FASTKD2: variants seen among roughly 807,000 people sequenced by gnomAD.
FASTKD2 encodes FAST kinase domain-containing protein 2, mitochondrial.
In FASTKD2, 51 loss-of-function variants were observed where a neutral mutation model predicts 63.6. The observed-to-expected ratio is 0.80, with a 90% CI of 0.64 to 1.01. The LOEUF (loss-of-function observed/expected upper bound fraction) is 1.01. Among genes scored for constraint, FASTKD2 ranks in the 50% least tolerant of loss-of-function variants. FASTKD2 has a pLI of 0.00. For missense variants in FASTKD2, 786 were observed against 831.1 expected, an observed-to-expected ratio of 0.95 and a Z score of 0.67; for synonymous variants, 284 against 293.4, an observed-to-expected ratio of 0.97 and a Z score of 0.33.
intron 8 of FASTKD2, among the ~76,000 whole-genome samples, chr2:206,787,488 A>G (rs1234022206): frequency 6.6e-6 from 1 of 152,226 alleles, no homozygotes; most frequent in East Asian, 1.9e-4. Flanking sequence ...GAATTAAAAC[A>G]TAAATAAATA....
Position 206,770,094 on chromosome 2 carries a change from C to G in FASTKD2, c.781C>G (p.Arg261Gly), listed in dbSNP as rs367924143. ...VQTLLRVTQE[R>G]INECDEICLS... ...TTTTGTAATTATATTTCAATAGGAA[C>G]GTATCAATGAGTGTGATGAGATATG... The change falls in exon 3 of 12, where the codon CGT becomes GGT. Residue 261 changes from arginine (R) to glycine (G), a missense_variant. Arg to Gly is a moderately radical substitution (Grantham distance 125). Coordinates refer to ENST00000402774, the MANE Select transcript of FASTKD2 (RefSeq NM_001136193.2). 3 of 1,586,580 alleles carry G rather than the reference C, an allele frequency of 1.9e-6. No homozygotes were observed. The highest frequency in any genetic ancestry group is 1.3e-5 in the African/African-American group (1 of 74,370).
Position 206,795,060 on chromosome 2 carries a change from C to A in FASTKD2, c.*3258C>A, listed in dbSNP as rs1046670396. 2.0e-5 allele frequency among the ~76,000 whole-genome samples: 3 copies of A among 152,280 alleles called. No individual in the cohort carries two copies. Among genetic ancestry groups the A allele is most frequent in the African/African-American group, 7.2e-5 (3 of 41,564 alleles). On this transcript the variant is annotated 3_prime_UTR_variant, in exon 12 of 12. Transcript: ENST00000402774. ...GGGACGTGGCACAGCCTTGTCTTCA[C>A]ACAGCACATCACAGCCAGGCAGCAA...
chr2:206,790,651 C>T lies in FASTKD2; in HGVS notation c.1978C>T (p.Arg660Trp), dbSNP rs186489901. Reference protein sequence around the residue: ...HPRGFLAMKMRHLNAMGFHVI... With the variant: ...HPRGFLAMKMWHLNAMGFHVI... ...CAGAGGATTCCTTGCTATGAAAATG[C>T]GGCATTTGAATGCAATGGGTTTTCA... Residue 660 changes from arginine (R) to tryptophan (W), a missense_variant, in exon 11 of 12, where the codon CGG becomes TGG. Transcript: ENST00000402774. 29 of 1,611,848 alleles carry T rather than the reference C, an allele frequency of 1.8e-5. No homozygotes were observed. The highest frequency in any genetic ancestry group is 1.5e-4 in the Admixed American group (9 of 60,010).
At chr2:206,790,884 C>A in intron 11 of FASTKD2, 198 bp downstream of exon 11, 2 of 563,828 alleles carry the variant, frequency 3.5e-6, no homozygotes, top group Non-Finnish European at 3.2e-6. Context: ...TGATTACTGT[C>A]ATTACTAGAG....
Position 206,767,241 on chromosome 2 carries a change from A to G in FASTKD2, c.548A>G (p.Asn183Ser), listed in dbSNP as rs763249834. Residue 183 changes from asparagine to serine, a missense_variant, in exon 2 of 12, where the codon AAC becomes AGC. Transcript: ENST00000402774. ...AAAGCGCCCACATTTCCTAGTAGCA[A>G]CTATTTCACAGCAATGTGGACAATT... ...FSKAPTFPSS[N>S]YFTAMWTIAK... 3.7e-6 allele frequency: 6 copies of G among 1,614,096 alleles called. No individual in the cohort carries two copies. The African/African-American group carries it at 4.0e-5, about 11-fold the overall frequency.
Position 206,791,879 on chromosome 2 carries a change from G to A in FASTKD2, c.*77G>A. The stretch of plus-strand genomic sequence containing the variant: ...AAAGATGACAAGTCAGTTGTCAATG[G>A]AATTGAGCTATCTGCTAAGACAAAA... On this transcript the variant is annotated 3_prime_UTR_variant, in exon 12 of 12. Coordinates refer to ENST00000402774, the MANE Select transcript of FASTKD2 (RefSeq NM_001136193.2). 1.5e-6 allele frequency: 2 copies of A among 1,358,158 alleles called. No individual in the cohort carries two copies. The highest frequency in any genetic ancestry group is 1.2e-5 in the South Asian group (1 of 83,498). 84.1% of individuals were successfully genotyped at this position (1,358,158 alleles called of 1,614,324 possible).
At chr2:206,779,710 G>A (rs963694018) in intron 7 of FASTKD2, among the ~76,000 whole-genome samples, 1 of 152,164 alleles carries the variant, frequency 6.6e-6, no homozygotes, top group Non-Finnish European at 1.5e-5. Context: ...GGGATACAGA[G>A]CCAAACCATA....
Position 206,794,359 on chromosome 2 carries a change from G to A in FASTKD2, c.*2557G>A, listed in dbSNP as rs1044401461. 6.6e-6 allele frequency among the ~76,000 whole-genome samples: 1 copy of A among 152,096 alleles called. No homozygotes were observed. The highest frequency in any genetic ancestry group is 1.5e-5 in the Non-Finnish European group (1 of 68,020). ...TGCTCTAGATACAAGATATAAAATTGTATTCTTGAAATAGCTACATGCAAT... is the reference window on the plus strand; with the variant it reads ...TGCTCTAGATACAAGATATAAAATTATATTCTTGAAATAGCTACATGCAAT... On this transcript the variant is annotated 3_prime_UTR_variant, in exon 12 of 12. Coordinates refer to ENST00000402774, the MANE Select transcript of FASTKD2 (RefSeq NM_001136193.2).
intron 7 of FASTKD2, chr2:206,783,391 G>C (rs1356414524): frequency 6.5e-6 from 1 of 153,650 alleles, no homozygotes; most frequent in Non-Finnish European, 1.5e-5. Context: ...CCAGCTGCCT[G>C]TTTTTCTGAA....
Position 206,776,903 on chromosome 2 carries a change from C to T in FASTKD2, c.1427+2506C>T, listed in dbSNP as rs559224406. 2.6e-5 allele frequency among the ~76,000 whole-genome samples: 4 copies of T among 152,142 alleles called. No homozygotes were observed. The East Asian group carries it at 7.7e-4, about 29-fold the overall frequency. On this transcript the variant is annotated intron_variant, in intron 7 of 11. Transcript: ENST00000402774. Reference sequence around the variant, plus strand: ...GCCTGGGTTAGTATGGACATTTTAACAGGATTAAGTCTTTCAATCCATGAA... The same window carrying T: ...GCCTGGGTTAGTATGGACATTTTAATAGGATTAAGTCTTTCAATCCATGAA...
Position 206,790,629 on chromosome 2 carries a change from A to G in FASTKD2, c.1956A>G (p.Arg652=), listed in dbSNP as rs1186359757. The G allele has an allele frequency of 6.2e-7, 1 of 1,613,590 alleles. No homozygotes were observed. The highest frequency in any genetic ancestry group is 2.2e-5 in the East Asian group (1 of 44,854). The change falls in exon 11 of 12, where the codon AGA becomes AGG. Residue 652 remains arginine (R), a synonymous_variant. Transcript: ENST00000402774. ...ATTGTTTGGGTTCAAGCCACCCCAGAGGATTCCTTGCTATGAAAATGCGGC... is the reference window on the plus strand; with the variant it reads ...ATTGTTTGGGTTCAAGCCACCCCAGGGGATTCCTTGCTATGAAAATGCGGC... The part of the protein sequence containing the change: ...SAYCLGSSHP[R]GFLAMKMRHL...
At chr2:206,771,437 A>G (rs932484860) in intron 4 of FASTKD2, 147 bp downstream of exon 4, 1 of 649,152 alleles carries the variant, frequency 1.5e-6, no homozygotes, top group Non-Finnish European at 2.7e-6. Flanking sequence ...AAGTACCCTT[A>G]TATTTATTTA....
At position 206,795,402 on chromosome 2, in the gene FASTKD2, T is replaced by G. The variant is rs747939516; in HGVS notation, c.*3600T>G. Among the ~76,000 whole-genome samples, 2 of 152,090 alleles carry G rather than the reference T, an allele frequency of 1.3e-5. No individual in the cohort carries two copies. Among genetic ancestry groups the G allele is most frequent in the African/African-American group, 4.8e-5 (2 of 41,422 alleles). On this transcript the variant is annotated 3_prime_UTR_variant, in exon 12 of 12. Transcript: ENST00000402774. ...GTGCCCACCTCCATGCCCGGCTAAT[T>G]TTTGTATTTTTAGCAGAAACAGGGT...
At chr2:206,781,809 GCTGCAAGCCA>G (rs1237955211) in intron 7 of FASTKD2, among the ~76,000 whole-genome samples, 1 of 151,442 alleles carries the variant, frequency 6.6e-6, no homozygotes, top group African/African-American at 2.4e-5. Context: ...TGTGCTGTCT[GCTGCAAGCCA>G]CTGACCCCTT....
At chr2:206,789,007 A>G (rs1255096890) in intron 10 of FASTKD2, 104 bp downstream of exon 10, 4 of 720,850 alleles carry the variant, frequency 5.5e-6, no homozygotes, top group East Asian at 2.6e-5. Flanking sequence ...TGATGTTTGT[A>G]TGGAGCCTGC....
At position 206,766,671 on chromosome 2, in the gene FASTKD2, CTAG is replaced by C. The variant is rs1470096767; in HGVS notation, c.-19_-17del. 3 of 1,608,658 alleles carry C rather than the reference CTAG, an allele frequency of 1.9e-6. No individual in the cohort carries two copies. Among genetic ancestry groups the C allele is most frequent in the Non-Finnish European group, 2.6e-6 (3 of 1,175,082 alleles). On this transcript the variant is annotated 5_prime_UTR_variant, in exon 2 of 12. Transcript: ENST00000402774. ...AAACGACAGCACGTGTTCTTTTTCA[CTAG>C]TAGAAGTGACGTTGGTTTCATGTTG...
Position 206,767,494 on chromosome 2 carries a change from C to G in FASTKD2, c.777+24C>G, listed in dbSNP as rs749987270. On this transcript the variant is annotated intron_variant, in intron 2 of 11. Transcript: ENST00000402774. ...AGGTAAAATAAAAAGGAGATTTAAA[C>G]ATGCATTTACTTGATTTAGAATATT... 7 of 1,574,166 alleles carry G rather than the reference C, an allele frequency of 4.4e-6. No homozygotes were observed. In the Admixed American group the frequency reaches 1.2e-4, roughly 26 times the overall value.
chr2:206,791,838 A>AT lies in FASTKD2; in HGVS notation c.*39dup. 6.3e-7 allele frequency: 1 copy of AT among 1,592,550 alleles called. No homozygotes were observed. The highest frequency in any genetic ancestry group is 8.6e-7 in the Non-Finnish European group (1 of 1,165,626). On this transcript the variant is annotated 3_prime_UTR_variant, in exon 12 of 12. Coordinates refer to ENST00000402774, the MANE Select transcript of FASTKD2 (RefSeq NM_001136193.2). ...AACCTTTTCATATTAGGAGACATGC[A>AT]TTTGTAAAAATTAATAAAGATGACA...
rs966006290 is a variant in FASTKD2 at position 206,796,166 on chromosome 2, A to C, written c.*4364A>C. On this transcript the variant is annotated 3_prime_UTR_variant, in exon 12 of 12. Coordinates refer to ENST00000402774, the MANE Select transcript of FASTKD2 (RefSeq NM_001136193.2). Reference sequence around the variant, plus strand: ...ACATATATATGTTATAGAATCAATAAAAATTGGATACTTTGCTTTAAAAGT... The same window carrying C: ...ACATATATATGTTATAGAATCAATACAAATTGGATACTTTGCTTTAAAAGT... Among the ~76,000 whole-genome samples, 2 of 152,246 alleles carry C rather than the reference A, an allele frequency of 1.3e-5. No individual in the cohort carries two copies. Among genetic ancestry groups the C allele is most frequent in the African/African-American group, 4.8e-5 (2 of 41,454 alleles).
Sources: gnomAD v4.1 joint callset for allele counts (sites outside exome capture counted in the v4.1 genomes callset) on GRCh38, gnomAD v4.1.1 for gene constraint, MANE v1.5 for transcripts, NCBI Gene and HGNC (gene_info 2026-07-23, HGNC 2026-07-21) for gene names.